The following ANO2 variants were observed in gnomAD, a reference collection of about 807,000 sequenced individuals.
ANO2 encodes the protein anoctamin-2.
ANO2 carries 101 observed loss-of-function variants against 124.2 expected under a neutral mutation model. The ratio of observed to expected loss-of-function variants is 0.81; its 90% CI spans 0.69 to 0.96. The LOEUF is 0.96. Ranked by LOEUF, ANO2 falls within the 40% of genes least tolerant of loss-of-function variation. ANO2 has a pLI of 0.00. For missense variants in ANO2, 1,293 were observed against 1,274.5 expected, an observed-to-expected ratio of 1.01 and a Z score of -0.22; for synonymous variants, 486 against 482.5, an observed-to-expected ratio of 1.01 and a Z score of -0.09.
intron 7 of ANO2, among the ~76,000 whole-genome samples, chr12:5,810,126 G>A (rs1953340864): frequency 6.6e-6 from 1 of 152,168 alleles, no homozygotes; most frequent in Non-Finnish European, 1.5e-5. Flanking sequence ...GTTCCCTCTA[G>A]CTGTGTACTC....
At chr12:5,697,323 TC>T (rs758446048) in intron 14 of ANO2, among the ~76,000 whole-genome samples, 9 of 151,934 alleles carry the variant, frequency 5.9e-5, no homozygotes, top group Non-Finnish European at 1.2e-4. Context: ...TCCCAGCTAC[TC>T]AGGAGGCTGA....
chr12:5,578,146 A>G (rs2136841585), intron 21 of ANO2, 139 bp from the exon 22 acceptor site: 1 of 1,250,976 alleles, frequency 8.0e-7, no homozygotes. Flanking sequence ...TTGTCTGGAA[A>G]GGCTTAGGTA....
rs1433434914 is a variant in ANO2 at position 5,592,439 on chromosome 12, G to A, written c.2233+7045C>T. On this transcript the variant is annotated intron_variant, in intron 20 of 24. Coordinates refer to ENST00000682330, the MANE Select transcript of ANO2 (RefSeq NM_001364791.2). ...CAAGCAGTCACGGGTAGGCGACATG[G>A]CATAGGCAAATTGGACGTGAGAGTG... is the stretch of plus-strand genomic sequence containing the variant. Among the ~76,000 whole-genome samples, 3 of 152,096 alleles carry A rather than the reference G, an allele frequency of 2.0e-5. No individual in the cohort carries two copies. The East Asian group carries it at 5.8e-4, about 29-fold the overall frequency.
chr12:5,734,456 C>G (rs951113133), intron 13 of ANO2, among the ~76,000 whole-genome samples: 4 of 152,188 alleles, frequency 2.6e-5, no homozygotes, highest in Admixed American at 2.6e-4. Flanking sequence ...GAGCCTCTCC[C>G]CTTCCAGACC....
At chr12:5,708,117 A>G (rs982201019) in intron 14 of ANO2, among the ~76,000 whole-genome samples, 1 of 152,116 alleles carries the variant, frequency 6.6e-6, no homozygotes, top group Non-Finnish European at 1.5e-5. Context: ...CAGTTGTTCA[A>G]ACTAGACACC....
chr12:5,716,932 G>A (rs7297653), intron 14 of ANO2, among the ~76,000 whole-genome samples: 2,926 of 152,314 alleles, frequency 0.019, 44 homozygotes, highest in Middle Eastern at 0.031. Flanking sequence ...CACGGCCCTA[G>A]ACCAAGCATA....
chr12:5,663,130 C>G (rs566271105), intron 14 of ANO2, among the ~76,000 whole-genome samples: 1 of 152,202 alleles, frequency 6.6e-6, no homozygotes, highest in African/African-American at 2.4e-5. Flanking sequence ...ACATGCCTGC[C>G]TCTTCTCTGG....
intron 3 of ANO2, among the ~76,000 whole-genome samples, chr12:5,912,201 T>A (rs1169609878): frequency 3.3e-5 from 5 of 152,154 alleles, no homozygotes; most frequent in Non-Finnish European, 5.9e-5. Flanking sequence ...AGCCTGCTTT[T>A]CACTAGACCC....
At chr12:5,722,222 A>C (rs1950258645) in intron 14 of ANO2, among the ~76,000 whole-genome samples, 1 of 152,106 alleles carries the variant, frequency 6.6e-6, no homozygotes, top group Non-Finnish European at 1.5e-5. Flanking sequence ...AAAACAAAGT[A>C]CTGGCCGGGC....
intron 14 of ANO2, among the ~76,000 whole-genome samples, chr12:5,663,310 CCAAA>C (rs1947537749): frequency 6.6e-6 from 1 of 152,144 alleles, no homozygotes; most frequent in Admixed American, 6.5e-5. Flanking sequence ...AAAAGCGGAG[CCAAA>C]CAGAGGAAGA....
chr12:5,641,831 T>C (rs969359896), intron 15 of ANO2, among the ~76,000 whole-genome samples: 3 of 152,246 alleles, frequency 2.0e-5, no homozygotes, highest in Admixed American at 1.3e-4. Context: ...TTATGTATTA[T>C]TTGTGAACAA....
At chr12:5,795,026 G>A (rs1428830842) in intron 10 of ANO2, among the ~76,000 whole-genome samples, 1 of 151,788 alleles carries the variant, frequency 6.6e-6, no homozygotes, top group African/African-American at 2.4e-5. Flanking sequence ...GTGCTCAGAT[G>A]GCTCACAGTT....
intron 20 of ANO2, among the ~76,000 whole-genome samples, chr12:5,597,907 G>A (rs1270837094): frequency 2.0e-5 from 3 of 152,196 alleles, no homozygotes; most frequent in Admixed American, 1.3e-4. Context: ...GGGGCTACAC[G>A]TTTCCTTAAA....
At position 5,832,513 on chromosome 12, in the gene ANO2, C is replaced by G; in HGVS notation, c.724G>C (p.Glu242Gln). 1 of 1,613,968 alleles carries G rather than the reference C, an allele frequency of 6.2e-7. No homozygotes were observed. Among genetic ancestry groups the G allele is most frequent in the South Asian group, 1.1e-5 (1 of 91,072 alleles). ...TTTTTCATCTTGTTGTTGCTGTGTTCTGGAACTCGGGGCTGCAGGTGCGAG... is the reference window on the plus strand; with the variant it reads ...TTTTTCATCTTGTTGTTGCTGTGTTGTGGAACTCGGGGCTGCAGGTGCGAG... Reference protein sequence around the residue: ...LSSHLQPRVPEHSNNKMKNLS... With the variant: ...LSSHLQPRVPQHSNNKMKNLS... Residue 242 changes from glutamate to glutamine, a missense_variant, in exon 5 of 25, where the codon GAA becomes CAA. By Grantham distance (29) the Glu-to-Gln change is conservative. Transcript: ENST00000682330.
At chr12:5,828,201 G>A (rs115973080) in intron 6 of ANO2, among the ~76,000 whole-genome samples, 1,964 of 152,254 alleles carry the variant, frequency 0.013, 39 homozygotes, top group African/African-American at 0.044. Context: ...AGTGTCTGCC[G>A]CCCACGTCGG....
At chr12:5,640,115 A>T (rs386440) in intron 15 of ANO2, among the ~76,000 whole-genome samples, 114,829 of 152,094 alleles carry the variant, frequency 0.75, 43,713 homozygotes, top group African/African-American at 0.84. Context: ...GCTGGTTTCT[A>T]ACACAAGGAG....
intron 20 of ANO2, among the ~76,000 whole-genome samples, chr12:5,599,002 A>T (rs1167303867): frequency 1.3e-5 from 2 of 152,190 alleles, no homozygotes; most frequent in Non-Finnish European, 2.9e-5. Flanking sequence ...ATCCAGCCTT[A>T]TCTGATCAAA....
At chr12:5,922,045 C>T (rs981792842) in intron 2 of ANO2, among the ~76,000 whole-genome samples, 1 of 149,214 alleles carries the variant, frequency 6.7e-6, no homozygotes, top group Non-Finnish European at 1.5e-5. Flanking sequence ...GCACTATTCA[C>T]AGCCCCACAT....
At position 5,832,683 on chromosome 12, in the gene ANO2, G is replaced by A. The variant is rs1591670408; in HGVS notation, c.634-80C>T. 5 of 1,432,700 alleles carry A rather than the reference G, an allele frequency of 3.5e-6. No individual in the cohort carries two copies. In the African/African-American group the frequency reaches 5.7e-5, roughly 16 times the overall value. The allele number at this position is 1,432,700 out of a possible 1,614,324, so 88.7% of individuals were successfully genotyped here. A position where few individuals can be genotyped will look rare whatever the true frequency, so the allele number is the denominator to read the frequency against. On this transcript the variant is annotated intron_variant, in intron 4 of 24. Coordinates refer to ENST00000682330, the MANE Select transcript of ANO2 (RefSeq NM_001364791.2). The stretch of plus-strand genomic sequence containing the variant: ...ATGGCTTCACAAAAAAAAGCTGCAT[G>A]GACACAGATTCCCAGAGGTGAACAT...
Sources: allele counts gnomAD v4.1 joint callset (sites outside exome capture counted in the v4.1 genomes callset), GRCh38; gene constraint gnomAD v4.1.1; transcripts MANE v1.5; gene names NCBI Gene and HGNC (gene_info 2026-07-23, HGNC 2026-07-21).